HIPK1: variants seen among roughly 807,000 people sequenced by gnomAD.
HIPK1 encodes homeodomain-interacting protein kinase 1.
In HIPK1, 28 loss-of-function variants were observed where a neutral mutation model predicts 117.1. The observed-to-expected ratio is 0.24, with a 90% CI of 0.18 to 0.33. The LOEUF is 0.33. HIPK1 is among the 10% of genes least tolerant of loss of function. The pLI, the probability that HIPK1 is intolerant of heterozygous loss-of-function variation, is 1.00. For synonymous variants in HIPK1, 605 were observed against 562.5 expected (o/e 1.08, Z -1.07); for missense variants, 1,122 against 1,475.1 (o/e 0.76, Z 3.92).
intron 10 of HIPK1, 121 bp downstream of exon 10, chr1:113,963,642 C>A: frequency 8.2e-7 from 1 of 1,221,576 alleles, no homozygotes; most frequent in Non-Finnish European, 1.1e-6. Flanking sequence ...AATTTTTTAG[C>A]TTAGTCTTTG....
chr1:113,946,740 C>T (rs1671015195), intron 2 of HIPK1, among the ~76,000 whole-genome samples: 1 of 152,204 alleles, frequency 6.6e-6, no homozygotes, highest in South Asian at 2.1e-4. Flanking sequence ...AAGTTTGCCT[C>T]TTAAAAACAG....
At position 113,973,600 on chromosome 1, in the gene HIPK1, C is replaced by T; in HGVS notation, c.*88C>T. 1 of 1,447,266 alleles carries T rather than the reference C, an allele frequency of 6.9e-7. No individual in the cohort carries two copies. Among genetic ancestry groups the T allele is most frequent in the Non-Finnish European group, 9.2e-7 (1 of 1,087,436 alleles). The allele number at this position is 1,447,266 out of a possible 1,614,324, so 89.7% of individuals were successfully genotyped here. On this transcript the variant is annotated 3_prime_UTR_variant, in exon 16 of 16. Transcript: ENST00000426820. ...GGGCTATGGAGAGATCCTCCTTTAC[C>T]CTCTTGAAATTTCTTAGCCAGCAAC...
In HIPK1 at chr1:113,975,272, C is replaced by T. The variant is rs1207030076; in HGVS notation, c.*1760C>T. 2 of 152,776 alleles carry T rather than the reference C, an allele frequency of 1.3e-5. No homozygotes were observed. Among genetic ancestry groups the T allele is most frequent in the Admixed American group, 1.3e-4 (2 of 15,284 alleles). The allele number at this position is 152,776 out of a possible 1,614,324, so 9.5% of individuals were successfully genotyped here. A position where few individuals can be genotyped will look rare whatever the true frequency, so the allele number is the denominator to read the frequency against. ...GGATTAGTAGCTGTATTGTGTAATG[C>T]ATTGTTCTCAGTTTCCCTGCCAACA... On this transcript the variant is annotated 3_prime_UTR_variant, in exon 16 of 16. Transcript: ENST00000426820.
At chr1:113,948,894 T>C (rs899975982) in intron 2 of HIPK1, among the ~76,000 whole-genome samples, 2 of 152,088 alleles carry the variant, frequency 1.3e-5, no homozygotes, top group African/African-American at 4.8e-5. Flanking sequence ...CTGGAGTGAA[T>C]TGACGTAATC....
chr1:113,970,971 GTAGTCTTGTTAA>G (rs1015555159), intron 14 of HIPK1, among the ~76,000 whole-genome samples: 4 of 152,220 alleles, frequency 2.6e-5, no homozygotes, highest in African/African-American at 7.2e-5. Context: ...CCCAGGCAAT[GTAGTCTTGTTAA>G]GGCAGCTGCT....
intron 12 of HIPK1, 44 bp downstream of exon 12, chr1:113,967,992 A>G (rs1203012408): frequency 1.3e-6 from 2 of 1,539,738 alleles, no homozygotes; most frequent in East Asian, 4.5e-5. Context: ...TGCCAGTTTG[A>G]GAGATATGTT....
In HIPK1 at chr1:113,968,529, C is replaced by T. The variant is rs781336919; in HGVS notation, c.2652C>T (p.Val884=). ...LRTTSSYNSL[V]PVQDQHQPII... ...CCACATCTTCTTATAATTCCTTGGT[C>T]CCTGTCCAAGATCAGCATCAGCCCA... Residue 884 remains valine (V), a synonymous_variant, in exon 13 of 16, where the codon GTC becomes GTT. Transcript: ENST00000426820. The T allele has an allele frequency of 1.9e-5, 30 of 1,613,898 alleles. No individual in the cohort carries two copies. Among genetic ancestry groups the T allele is most frequent in the Non-Finnish European group, 2.5e-5 (29 of 1,179,886 alleles).
intron 1 of HIPK1, chr1:113,930,837 G>T (rs557316095): frequency 2.6e-5 from 4 of 152,208 alleles, no homozygotes; most frequent in Admixed American, 2.0e-4. Context: ...TAGGGAAGAG[G>T]GGGGGAAAAC....
chr1:113,932,236 C>G (rs1669942361), intron 1 of HIPK1: 1 of 152,120 alleles, frequency 6.6e-6, no homozygotes, highest in African/African-American at 2.4e-5. Flanking sequence ...AGGAAACTTA[C>G]ATTTCTTTTA....
chr1:113,963,658 G>T (rs79516553), intron 10 of HIPK1, 137 bp downstream of exon 10: 1 of 908,956 alleles, frequency 1.1e-6, no homozygotes, highest in Non-Finnish European at 1.6e-6. Context: ...CTTTGCAGAG[G>T]GCATGGAAGC....
chr1:113,955,548 A>G lies in HIPK1; in HGVS notation c.1321-15A>G. The G allele has an allele frequency of 7.0e-7, 1 of 1,436,474 alleles. No individual in the cohort carries two copies. Among genetic ancestry groups the G allele is most frequent in the Non-Finnish European group, 9.7e-7 (1 of 1,033,730 alleles). 89.0% of individuals were successfully genotyped at this position (1,436,474 alleles called of 1,614,324 possible). ...ATACAGATGGAATTTAAGGAGGAAAATCTTTATTTTATAGACACCTGAAGA... is the reference window on the plus strand; with the variant it reads ...ATACAGATGGAATTTAAGGAGGAAAGTCTTTATTTTATAGACACCTGAAGA... On this transcript the variant is annotated splice_polypyrimidine_tract_variant and intron_variant, in intron 4 of 15. Coordinates refer to ENST00000426820, the MANE Select transcript of HIPK1 (RefSeq NM_198268.3).
chr1:113,934,818 A>G (rs1670145611), intron 1 of HIPK1, among the ~76,000 whole-genome samples: 1 of 148,530 alleles, frequency 6.7e-6, no homozygotes, highest in African/African-American at 2.5e-5. Flanking sequence ...AAATTAGCCA[A>G]CTGTGGCATG....
At chr1:113,963,603 C>G (rs961324863) in intron 10 of HIPK1, 82 bp downstream of exon 10, 2 of 1,504,454 alleles carry the variant, frequency 1.3e-6, no homozygotes, top group Admixed American at 2.3e-5. Flanking sequence ...TGTTTTTGTT[C>G]TGTTTTTTTC....
intron 1 of HIPK1, chr1:113,932,119 T>C (rs1401539672): frequency 6.6e-6 from 1 of 152,222 alleles, no homozygotes; most frequent in Non-Finnish European, 1.5e-5. Context: ...AATATATTCC[T>C]GTAGTGCATA....
At chr1:113,939,474 G>A (rs1266603881) in intron 1 of HIPK1, among the ~76,000 whole-genome samples, 2 of 151,996 alleles carry the variant, frequency 1.3e-5, no homozygotes, top group Non-Finnish European at 2.9e-5. Context: ...TGAAGGTGGG[G>A]TGGAGGCTCG....
At chr1:113,961,790 A>G (rs765927658) in intron 8 of HIPK1, among the ~76,000 whole-genome samples, 1 of 151,872 alleles carries the variant, frequency 6.6e-6, no homozygotes, top group Non-Finnish European at 1.5e-5. Flanking sequence ...CTGAAAATAT[A>G]AAAATTAGAC....
chr1:113,935,017 T>G (rs1246961630), intron 1 of HIPK1, among the ~76,000 whole-genome samples: 3 of 146,576 alleles, frequency 2.0e-5, no homozygotes, highest in Non-Finnish European at 4.5e-5. Flanking sequence ...AAGAATCAGC[T>G]GTTTTTTTTT....
Position 113,977,474 on chromosome 1 carries a change from T to C in HIPK1, c.*3962T>C, listed in dbSNP as rs2101545713. 6.5e-6 allele frequency: 1 copy of C among 152,916 alleles called. No individual in the cohort carries two copies. Among genetic ancestry groups the C allele is most frequent in the Non-Finnish European group, 1.5e-5 (1 of 68,020 alleles). The allele number at this position is 152,916 out of a possible 1,614,324, so 9.5% of individuals were successfully genotyped here. A position where few individuals can be genotyped will look rare whatever the true frequency, so the allele number is the denominator to read the frequency against. On this transcript the variant is annotated 3_prime_UTR_variant, in exon 16 of 16. Transcript: ENST00000426820. The stretch of plus-strand genomic sequence containing the variant: ...CTAGTTATTGTGTGCGATTTAAACT[T>C]TTTTTGCTTTCTCCCTTTTTTTGGT...
intron 2 of HIPK1, among the ~76,000 whole-genome samples, chr1:113,946,901 C>T (rs1260843280): frequency 6.6e-6 from 1 of 152,172 alleles, no homozygotes; most frequent in Non-Finnish European, 1.5e-5. Flanking sequence ...GCAGCTCAGG[C>T]ATTCCTTCTT....
Sources: gnomAD v4.1 joint callset for allele counts (sites outside exome capture counted in the v4.1 genomes callset) on GRCh38, gnomAD v4.1.1 for gene constraint, MANE v1.5 for transcripts, NCBI Gene and HGNC (gene_info 2026-07-23, HGNC 2026-07-21) for gene names.